The following DDX10 variants were observed in gnomAD, a reference collection of about 807,000 sequenced individuals.
DDX10 encodes probable ATP-dependent RNA helicase DDX10.
In DDX10, 74 loss-of-function variants were observed where a neutral mutation model predicts 104.3. The observed-to-expected ratio is 0.71, with a 90% CI of 0.59 to 0.86. The LOEUF (loss-of-function observed/expected upper bound fraction) is 0.86, where lower values mean the gene tolerates loss of function less well. Ranked by LOEUF, DDX10 falls within the 40% of genes least tolerant of loss-of-function variation. The pLI is 0.00. For synonymous variants in DDX10, 351 were observed against 353.4 expected (o/e 0.99, Z 0.08); for missense variants, 952 against 1,040.0 (o/e 0.92, Z 1.16).
chr11:108,843,555 C>G (rs988655766), intron 15 of DDX10, among the ~76,000 whole-genome samples: 4 of 151,838 alleles, frequency 2.6e-5, no homozygotes, highest in Non-Finnish European at 5.9e-5. Flanking sequence ...GTCAGGAGTT[C>G]AAGACCAGCC....
At chr11:108,927,532 A>G (rs916665186) in intron 17 of DDX10, among the ~76,000 whole-genome samples, 5 of 152,220 alleles carry the variant, frequency 3.3e-5, no homozygotes, top group Admixed American at 6.5e-5. Flanking sequence ...TTGTGTTTCT[A>G]TAAGGCACTG....
Position 108,841,396 on chromosome 11 carries a change from C to T in DDX10, c.2167C>T (p.His723Tyr), listed in dbSNP as rs747354616. The T allele has an allele frequency of 1.2e-5, 20 of 1,613,378 alleles. No individual in the cohort carries two copies. The Middle Eastern group carries it at 1.5e-3, about 120-fold the overall frequency. ...EDDDTGGINL[H>Y]KAKERLQEED... ...TGATGACACAGGTGGTATCAACTTA[C>T]ATAAAGCAAAGGAAAGACTTCAGGA... The change falls in exon 15 of 18, where the codon CAT (histidine) becomes TAT (tyrosine). Residue 723 changes from histidine to tyrosine, a missense_variant. Transcript: ENST00000322536.
At chr11:108,839,066 C>T (rs908047570) in intron 14 of DDX10, among the ~76,000 whole-genome samples, 3 of 152,100 alleles carry the variant, frequency 2.0e-5, no homozygotes, top group Non-Finnish European at 4.4e-5. Context: ...TTCCCTTAGC[C>T]GTATTGTAAA....
At chr11:108,759,682 C>T (rs1390236850) in intron 13 of DDX10, among the ~76,000 whole-genome samples, 1 of 151,926 alleles carries the variant, frequency 6.6e-6, no homozygotes, top group Non-Finnish European at 1.5e-5. Flanking sequence ...GCTAAAATGG[C>T]AGAATTTGAT....
rs147665587 is a variant in DDX10, at chr11:108,706,832, A to G, written c.1317A>G (p.Glu439=). The G allele has an allele frequency of 2.5e-6, 4 of 1,613,062 alleles. No individual in the cohort carries two copies. Among genetic ancestry groups the G allele is most frequent in the Non-Finnish European group, 3.4e-6 (4 of 1,179,184 alleles). The change falls in exon 10 of 18, where the codon GAA becomes GAG. Residue 439 remains glutamate, a synonymous_variant. Transcript: ENST00000322536. Reference sequence around the variant, plus strand: ...TTCAGAAGAAAGTACCTGTGAAGGAAATCAAGTAAGAGCTACTTGTTGTCT... The same window carrying G: ...TTCAGAAGAAAGTACCTGTGAAGGAGATCAAGTAAGAGCTACTTGTTGTCT... ...QLLQKKVPVK[E]IKINPEKLID...
intron 15 of DDX10, among the ~76,000 whole-genome samples, chr11:108,849,645 C>A (rs1208630338): frequency 6.6e-6 from 1 of 152,080 alleles, no homozygotes; most frequent in Non-Finnish European, 1.5e-5. Context: ...TATACTTAAT[C>A]ATTTGTAGCA....
chr11:108,732,448 T>C (rs1023613389), intron 13 of DDX10, among the ~76,000 whole-genome samples: 1 of 152,224 alleles, frequency 6.6e-6, no homozygotes, highest in Admixed American at 6.5e-5. Context: ...TAAATAATTT[T>C]GGGCTACTCA....
At chr11:108,904,821 T>C (rs1004276516) in intron 16 of DDX10, among the ~76,000 whole-genome samples, 5 of 152,170 alleles carry the variant, frequency 3.3e-5, no homozygotes, top group Admixed American at 6.5e-5. Flanking sequence ...ACTCCATGGC[T>C]ATTTTATGAA....
At chr11:108,884,709 A>T (rs1052542676) in intron 16 of DDX10, among the ~76,000 whole-genome samples, 1 of 152,048 alleles carries the variant, frequency 6.6e-6, no homozygotes, top group Admixed American at 6.6e-5. Flanking sequence ...CAGTTATCTA[A>T]TGTTTTGTTT....
At chr11:108,852,842 T>C (rs572823111) in intron 16 of DDX10, among the ~76,000 whole-genome samples, 1 of 152,318 alleles carries the variant, frequency 6.6e-6, no homozygotes, top group East Asian at 1.9e-4. Context: ...TTAGTAGAAA[T>C]GATTTCCTAG....
At chr11:108,736,660 A>G (rs2094318814) in intron 13 of DDX10, among the ~76,000 whole-genome samples, 2 of 152,170 alleles carry the variant, frequency 1.3e-5, no homozygotes, top group Non-Finnish European at 2.9e-5. Flanking sequence ...GTGTTCTTCC[A>G]GCTTGCTCTT....
At position 108,691,883 on chromosome 11, in the gene DDX10, A is replaced by G. The variant is rs564938347; in HGVS notation, c.983A>G (p.Tyr328Cys). The part of the protein sequence containing the change: ...VFFSSCKEVQ[Y>C]LYRVFCRLRP... ...CTTCTGTTGATGCCCCAGGTCCAGT[A>G]TCTGTACCGAGTGTTTTGCCGGCTA... is the stretch of plus-strand genomic sequence containing the variant. Residue 328 changes from tyrosine to cysteine, a missense_variant, in exon 8 of 18, where the codon TAT becomes TGT. Physicochemically the swap from Tyr to Cys is radical, Grantham distance 194. Coordinates refer to ENST00000322536, the MANE Select transcript of DDX10 (RefSeq NM_004398.4). 8.1e-6 allele frequency: 13 copies of G among 1,613,678 alleles called. No homozygotes were observed. The highest frequency in any genetic ancestry group is 8.0e-5 in the African/African-American group (6 of 74,914).
At chr11:108,853,844 G>C (rs1862828581) in intron 16 of DDX10, among the ~76,000 whole-genome samples, 3 of 152,132 alleles carry the variant, frequency 2.0e-5, no homozygotes, top group Non-Finnish European at 4.4e-5. Context: ...GTCAAGGGAA[G>C]GTCTCATTTC....
intron 9 of DDX10, among the ~76,000 whole-genome samples, chr11:108,695,614 A>T (rs1365885051): frequency 1.3e-5 from 2 of 152,020 alleles, no homozygotes; most frequent in Non-Finnish European, 2.9e-5. Context: ...TTTGAAGAAA[A>T]TTTTTTTGTT....
At position 108,763,293 on chromosome 11, in the gene DDX10, A is replaced by G. The variant is rs757950429; in HGVS notation, c.1965+39831A>G. ...AGGATGCCATTGCTGTCTTAATTTC[A>G]TAGGCCTTCCTGAAGGTCATCCTCA... is the stretch of plus-strand genomic sequence containing the variant. On this transcript the variant is annotated intron_variant, in intron 13 of 17. Coordinates refer to ENST00000322536, the MANE Select transcript of DDX10 (RefSeq NM_004398.4). Among the ~76,000 whole-genome samples the G allele has an allele frequency of 2.0e-5, 3 of 152,184 alleles. 1 individual carries two copies. The highest frequency in any genetic ancestry group is 4.1e-4 in the South Asian group (2 of 4,832).
intron 13 of DDX10, among the ~76,000 whole-genome samples, chr11:108,802,579 C>T (rs1862036854): frequency 1.3e-5 from 2 of 152,264 alleles, no homozygotes; most frequent in Non-Finnish European, 2.9e-5. Flanking sequence ...ATCATGTTTA[C>T]AATAAGTTGC....
chr11:108,930,003 C>T (rs1186649485), intron 17 of DDX10, among the ~76,000 whole-genome samples: 6 of 152,138 alleles, frequency 3.9e-5, no homozygotes, highest in Non-Finnish European at 7.4e-5. Flanking sequence ...AATATTGATA[C>T]ATTATTATTA....
At chr11:108,939,635 C>T (rs903441017) in intron 17 of DDX10, among the ~76,000 whole-genome samples, 2 of 152,088 alleles carry the variant, frequency 1.3e-5, no homozygotes, top group Non-Finnish European at 2.9e-5. Flanking sequence ...CAGAAATTAG[C>T]TTTGTTTTTA....
chr11:108,733,213 C>T (rs2094314428), intron 13 of DDX10, among the ~76,000 whole-genome samples: 1 of 151,090 alleles, frequency 6.6e-6, no homozygotes, highest in South Asian at 2.1e-4. Context: ...TAAGTATACT[C>T]TTATAAAAAG....
Sources: gnomAD v4.1 joint callset for allele counts (sites outside exome capture counted in the v4.1 genomes callset) on GRCh38, gnomAD v4.1.1 for gene constraint, MANE v1.5 for transcripts, NCBI Gene and HGNC (gene_info 2026-07-23, HGNC 2026-07-21) for gene names.